Variants in NFIA observed in about 807,000 individuals in gnomAD.
NFIA encodes the protein nuclear factor I A, also known as nuclear factor 1 A-type.
A neutral mutation model predicts 62.8 loss-of-function variants in NFIA; 8 were observed. That is an observed-to-expected ratio of 0.13 (90% CI 0.07 to 0.23). NFIA has a LOEUF of 0.23. Among genes scored for constraint, NFIA ranks in the 10% least tolerant of loss-of-function variants. The pLI, the probability that NFIA is intolerant of heterozygous loss-of-function variation, is 1.00. For synonymous variants in NFIA, 235 were observed against 238.1 expected (o/e 0.99, Z 0.12); for missense variants, 410 against 642.1 (o/e 0.64, Z 3.91).
intron 2 of NFIA, among the ~76,000 whole-genome samples, chr1:61,245,201 T>TGACAC (rs1655566370): frequency 6.6e-6 from 1 of 152,174 alleles, no homozygotes. Flanking sequence ...CTAAAAGCTA[T>TGACAC]GACACCATCC....
intron 9 of NFIA, among the ~76,000 whole-genome samples, chr1:61,411,935 A>T (rs1180065202): frequency 6.6e-6 from 1 of 151,642 alleles, no homozygotes; most frequent in African/African-American, 2.4e-5. Context: ...TGGAGTGAGG[A>T]TGCATTTGGG....
chr1:61,207,871 GAAA>G (rs1407869301), intron 2 of NFIA, among the ~76,000 whole-genome samples: 19 of 152,134 alleles, frequency 1.2e-4, no homozygotes, highest in African/African-American at 4.3e-4. Context: ...CATTTTGAGG[GAAA>G]TGTGCACATT....
intron 2 of NFIA, among the ~76,000 whole-genome samples, chr1:61,171,712 G>A (rs961735175): frequency 6.6e-6 from 1 of 152,128 alleles, no homozygotes; most frequent in Admixed American, 6.5e-5. Flanking sequence ...TACCTGTGTG[G>A]GTGTGGATGT....
At chr1:61,166,790 G>A (rs192663348) in intron 2 of NFIA, among the ~76,000 whole-genome samples, 11 of 152,314 alleles carry the variant, frequency 7.2e-5, no homozygotes, top group African/African-American at 2.4e-4. Flanking sequence ...GGTTTATTGA[G>A]GACCTACTTT....
At chr1:61,109,380 A>G (rs1325071811) in intron 2 of NFIA, among the ~76,000 whole-genome samples, 1 of 151,924 alleles carries the variant, frequency 6.6e-6, no homozygotes, top group Non-Finnish European at 1.5e-5. Context: ...TTATGGTTCA[A>G]AGTCAAAGAT....
chr1:61,171,862 T>C (rs1649993073), intron 2 of NFIA, among the ~76,000 whole-genome samples: 1 of 152,216 alleles, frequency 6.6e-6, no homozygotes, highest in South Asian at 2.1e-4. Flanking sequence ...CGGGATTTCC[T>C]GTGCACCCCT....
At chr1:61,244,164 T>C (rs776168030) in intron 2 of NFIA, among the ~76,000 whole-genome samples, 1 of 152,210 alleles carries the variant, frequency 6.6e-6, no homozygotes, top group Non-Finnish European at 1.5e-5. Flanking sequence ...TTATTCCTTT[T>C]TATAGCTTCT....
intron 2 of NFIA, among the ~76,000 whole-genome samples, chr1:61,160,390 G>A (rs548993583): frequency 1.3e-5 from 2 of 152,294 alleles, no homozygotes; most frequent in East Asian, 3.9e-4. Flanking sequence ...CTCTTCAGGT[G>A]ATTCTGATGC....
intron 2 of NFIA, among the ~76,000 whole-genome samples, chr1:61,251,945 A>AT (rs1333336018): frequency 6.6e-6 from 1 of 152,206 alleles, no homozygotes; most frequent in Non-Finnish European, 1.5e-5. Flanking sequence ...AGATAGAGGT[A>AT]TCAATTCAGT....
At position 61,162,583 on chromosome 1, in the gene NFIA, A is replaced by G. The variant is rs574121680; in HGVS notation, c.559+73903A>G. Among the ~76,000 whole-genome samples the G allele has an allele frequency of 8.0e-4, 122 of 152,258 alleles. 2 individuals are homozygous for G. In the South Asian group the frequency reaches 0.023, roughly 29 times the overall value. On this transcript the variant is annotated intron_variant, in intron 2 of 10. Transcript: ENST00000403491. ...CTAGTACCAGGGTTCCACGGGCACTATCCGTATTCTTAGTTTCTATCATGA... is the reference window on the plus strand; with the variant it reads ...CTAGTACCAGGGTTCCACGGGCACTGTCCGTATTCTTAGTTTCTATCATGA...
At position 61,082,781 on chromosome 1, in the gene NFIA, G is replaced by A. The variant is rs917597288; in HGVS notation, c.-11G>A. On this transcript the variant is annotated 5_prime_UTR_variant, in exon 1 of 11. Transcript: ENST00000403491. ...CCCAGACGCACACGCATACCCCAGC[G>A]CCCGGCAGTTATGTATTCTCCGCTC... 3.9e-6 allele frequency: 6 copies of A among 1,551,284 alleles called. No homozygotes were observed. In the African/African-American group the frequency reaches 8.3e-5, roughly 21 times the overall value.
intron 10 of NFIA, among the ~76,000 whole-genome samples, chr1:61,454,392 A>G (rs1303202501): frequency 6.6e-6 from 1 of 152,236 alleles, no homozygotes; most frequent in Non-Finnish European, 1.5e-5. Context: ...ATATGACCAG[A>G]CAATTGCTCA....
In NFIA at chr1:61,225,153, C is replaced by CA. The variant is rs575425464; in HGVS notation, c.560-52357dup. On this transcript the variant is annotated intron_variant, in intron 2 of 10. Transcript: ENST00000403491. Reference sequence around the variant, plus strand: ...TTTTGTTTTTTGTTTTTTTAAAAAACAAAAAAAAAAGTCTGTGAGAAGGAA... The same window carrying CA: ...TTTTGTTTTTTGTTTTTTTAAAAAACAAAAAAAAAAAGTCTGTGAGAAGGAA... 5.3e-4 allele frequency among the ~76,000 whole-genome samples: 74 copies of CA among 139,038 alleles called. 1 individual carries two copies. The East Asian group carries it at 7.7e-3, about 15-fold the overall frequency. The allele number at this position is 139,038 out of a possible 152,430, so 91.2% of individuals were successfully genotyped here. A position where few individuals can be genotyped will look rare whatever the true frequency, so the allele number is the denominator to read the frequency against.
chr1:61,227,356 C>G (rs868822053), intron 2 of NFIA, among the ~76,000 whole-genome samples: 45 of 152,138 alleles, frequency 3.0e-4, no homozygotes, highest in African/African-American at 1.1e-3. Flanking sequence ...ATTTATCAAG[C>G]TTGATTTCAT....
intron 3 of NFIA, among the ~76,000 whole-genome samples, chr1:61,294,940 A>G (rs1373669964): frequency 6.6e-6 from 1 of 152,178 alleles, no homozygotes; most frequent in Non-Finnish European, 1.5e-5. Context: ...CCAGTCAAGC[A>G]GCTTGTAGTT....
rs144784064 is a variant in NFIA at position 61,115,705 on chromosome 1, G to A, written c.559+27025G>A. 7.7e-3 allele frequency among the ~76,000 whole-genome samples: 1,172 copies of A among 152,278 alleles called. 12 individuals carry two copies. Among genetic ancestry groups the A allele is most frequent in the Non-Finnish European group, 9.6e-3 (652 of 68,024 alleles). On this transcript the variant is annotated intron_variant, in intron 2 of 10. Transcript: ENST00000403491. ...CGTGCTTTACCTCGTGCTGACCCTT[G>A]AGCAAGGCTGCCCGTGAGAAACTTC...
Position 61,088,244 on chromosome 1 carries a change from C to T in NFIA, c.123C>T (p.Phe41=). 1 of 1,613,398 alleles carries T rather than the reference C, an allele frequency of 6.2e-7. No homozygotes were observed. The highest frequency in any genetic ancestry group is 8.5e-7 in the Non-Finnish European group (1 of 1,179,874). Residue 41 remains phenylalanine (F), a synonymous_variant, in exon 2 of 11, where the codon TTC becomes TTT. Coordinates refer to ENST00000403491, the MANE Select transcript of NFIA (RefSeq NM_001134673.4). This position sits in a 1 kb window ranked among gnomAD's most constrained non-coding sequence, Gnocchi z 4.5. Reference sequence around the variant, plus strand: ...TGCAGGCCCGAAAACGAAAATACTTCAAAAAACATGAAAAGCGTATGTCAA... The same window carrying T: ...TGCAGGCCCGAAAACGAAAATACTTTAAAAAACATGAAAAGCGTATGTCAA... ...FNLQARKRKY[F]KKHEKRMSKE...
At chr1:61,182,418 A>C (rs1420126682) in intron 2 of NFIA, among the ~76,000 whole-genome samples, 3 of 152,250 alleles carry the variant, frequency 2.0e-5, no homozygotes, top group African/African-American at 4.8e-5. Flanking sequence ...TGAAGTTGTT[A>C]AAAGTTTCAG....
intron 1 of NFIA, among the ~76,000 whole-genome samples, chr1:61,083,719 G>A (rs1646163941): frequency 6.6e-6 from 1 of 151,388 alleles, no homozygotes; most frequent in Non-Finnish European, 1.5e-5. Flanking sequence ...GCTCCTAGCC[G>A]GGAGCCGGAG....
Sources: allele counts gnomAD v4.1 joint callset (sites outside exome capture counted in the v4.1 genomes callset), GRCh38; gene constraint gnomAD v4.1.1; non-coding constraint Gnocchi (gnomAD v3.1); transcripts MANE v1.5; gene names NCBI Gene and HGNC (gene_info 2026-07-23, HGNC 2026-07-21).